Variants in CPXM2 observed in about 807,000 individuals in gnomAD.
The protein encoded by CPXM2 is inactive carboxypeptidase-like protein X2.
Under a neutral mutation model 86.1 loss-of-function variants are expected in CPXM2, and 66 were observed. The ratio of observed to expected loss-of-function variants is 0.77; its 90% CI spans 0.63 to 0.94. CPXM2 has a LOEUF of 0.94. Among genes scored for constraint, CPXM2 ranks in the 40% least tolerant of loss-of-function variants. The pLI, the probability that CPXM2 is intolerant of heterozygous loss-of-function variation, is 0.00. For synonymous variants in CPXM2, 388 were observed against 400.2 expected (o/e 0.97, Z 0.36); for missense variants, 948 against 1,026.3 (o/e 0.92, Z 1.04).
At chr10:123,815,899 G>A (rs922914399) in intron 4 of CPXM2, among the ~76,000 whole-genome samples, 2 of 152,212 alleles carry the variant, frequency 1.3e-5, no homozygotes, top group South Asian at 4.1e-4. Context: ...GGAATGTAGA[G>A]TTGGATCAGA....
intron 4 of CPXM2, among the ~76,000 whole-genome samples, chr10:123,822,465 A>C (rs1847947704): frequency 6.6e-6 from 1 of 152,158 alleles, no homozygotes; most frequent in South Asian, 2.1e-4. Context: ...ACTAACTATA[A>C]AATTAATGAA....
chr10:123,923,491 G>A (rs1945594319), intron 2 of CPXM2, among the ~76,000 whole-genome samples: 1 of 150,982 alleles, frequency 6.6e-6, no homozygotes, highest in Middle Eastern at 3.4e-3. Context: ...TGAGGCAGGA[G>A]AATGGCGTGA....
intron 10 of CPXM2, among the ~76,000 whole-genome samples, chr10:123,763,181 A>G (rs11248276): frequency 0.13 from 19,654 of 152,212 alleles, 1,467 homozygotes; most frequent in African/African-American, 0.21. Context: ...CTGGGACTCC[A>G]GGTGCACACC....
In CPXM2 at chr10:123,807,655, C is replaced by G. The variant is rs78761518; in HGVS notation, c.654-8456G>C. Among the ~76,000 whole-genome samples the G allele has an allele frequency of 3.3e-5, 5 of 152,224 alleles. No homozygotes were observed. The East Asian group carries it at 9.7e-4, about 29-fold the overall frequency. On this transcript the variant is annotated intron_variant, in intron 4 of 13. Coordinates refer to ENST00000241305, the MANE Select transcript of CPXM2 (RefSeq NM_198148.3). The stretch of plus-strand genomic sequence containing the variant: ...GTCGTGGGAGGGCAGAGGAAGTCTG[C>G]GTGGCTTAGATGGAAAAGGAGGAGG...
chr10:123,797,375 T>G (rs956585540), intron 6 of CPXM2, among the ~76,000 whole-genome samples: 1 of 152,162 alleles, frequency 6.6e-6, no homozygotes, highest in Non-Finnish European at 1.5e-5. Flanking sequence ...CACTTCTGAG[T>G]GGTAGGCATC....
intron 12 of CPXM2, among the ~76,000 whole-genome samples, 188 bp downstream of exon 12, chr10:123,757,025 A>G (rs1186624796): frequency 6.6e-6 from 1 of 152,218 alleles, no homozygotes; most frequent in Non-Finnish European, 1.5e-5. Context: ...GACAATGACC[A>G]TTGGTTTAGA....
intron 6 of CPXM2, among the ~76,000 whole-genome samples, chr10:123,795,823 C>T (rs1847325184): frequency 6.6e-6 from 1 of 152,084 alleles, no homozygotes. Flanking sequence ...CCTCCAGGGC[C>T]CATCTTCAAA....
In CPXM2 at chr10:123,797,129, C is replaced by T. The variant is rs115178813; in HGVS notation, c.889+847G>A. Among the ~76,000 whole-genome samples, 661 of 152,334 alleles carry T rather than the reference C, an allele frequency of 4.3e-3. 10 individuals are homozygous for T. The highest frequency in any genetic ancestry group is 0.015 in the African/African-American group (621 of 41,580). ...TCAAACCCCCTTTCTTCAAGCCACC[C>T]CGAGGTTACCCCCAAATATCTCATG... On this transcript the variant is annotated intron_variant, in intron 6 of 13. Coordinates refer to ENST00000241305, the MANE Select transcript of CPXM2 (RefSeq NM_198148.3).
At position 123,914,086 on chromosome 10, in the gene CPXM2, C is replaced by T. The variant is rs184746994; in HGVS notation, n.174+25391G>A. On this transcript the variant is annotated intron_variant and non_coding_transcript_variant, in intron 2 of 19. Transcript: ENST00000368854. ...CTTGACCTCTTTGGCATGGAGCATG[C>T]AATTTGGGAGGAGATCCAGCCTGCC... The T allele has an allele frequency of 1.0e-3, 478 of 475,976 alleles. 6 individuals carry two copies. The highest frequency in any genetic ancestry group is 4.6e-3 in the South Asian group (306 of 65,996). The allele number at this position is 475,976 out of a possible 1,614,324, so 29.5% of individuals were successfully genotyped here. A position where few individuals can be genotyped will look rare whatever the true frequency, so the allele number is the denominator to read the frequency against.
intron 2 of CPXM2, among the ~76,000 whole-genome samples, chr10:123,937,285 G>A (rs79796303): frequency 0.11 from 16,587 of 152,078 alleles, 1,280 homozygotes; most frequent in East Asian, 0.24. Context: ...TTGAAGCTTC[G>A]AGTTCCCTTC....
intron 6 of CPXM2, among the ~76,000 whole-genome samples, chr10:123,785,091 A>C (rs752143990): frequency 6.6e-5 from 10 of 151,940 alleles, no homozygotes; most frequent in Non-Finnish European, 1.0e-4. Context: ...GCTCAGGCCC[A>C]CCCCCACCCT....
At chr10:123,870,306 C>T (rs1044185583) in intron 2 of CPXM2, among the ~76,000 whole-genome samples, 15 of 152,278 alleles carry the variant, frequency 9.9e-5, no homozygotes, top group Non-Finnish European at 1.9e-4. Flanking sequence ...TGGGGTCACA[C>T]CAGGAAAAGA....
chr10:123,773,382 T>G (rs1010269494), intron 7 of CPXM2, among the ~76,000 whole-genome samples: 3 of 152,144 alleles, frequency 2.0e-5, no homozygotes, highest in Admixed American at 1.3e-4. Context: ...TGGTTATCAC[T>G]TCCTTTGTTG....
chr10:123,763,322 A>G (rs565906312), intron 10 of CPXM2, among the ~76,000 whole-genome samples: 12 of 152,082 alleles, frequency 7.9e-5, no homozygotes, highest in Non-Finnish European at 1.6e-4. Context: ...CCCTTCTGTT[A>G]TTTATTTCAA....
At chr10:123,878,002 A>G (rs577245449) in intron 2 of CPXM2, among the ~76,000 whole-genome samples, 8 of 152,236 alleles carry the variant, frequency 5.3e-5, no homozygotes, top group South Asian at 4.2e-4. Context: ...CACCTTGAAC[A>G]TAATGTAGTT....
chr10:123,831,407 T>G (rs1253776177), intron 4 of CPXM2, among the ~76,000 whole-genome samples: 1 of 152,220 alleles, frequency 6.6e-6, no homozygotes, highest in Non-Finnish European at 1.5e-5. Flanking sequence ...CCAGGACCCA[T>G]GACCCAGTAT....
chr10:123,902,591 AT>A, intron 2 of CPXM2, among the ~76,000 whole-genome samples: 1 of 152,118 alleles, frequency 6.6e-6, no homozygotes, highest in Non-Finnish European at 1.5e-5. Context: ...GTGAGGGCCC[AT>A]TTCACAGATG....
At position 123,762,061 on chromosome 10, in the gene CPXM2, C is replaced by A; in HGVS notation, c.1588G>T (p.Val530Leu). The change falls in exon 11 of 14, where the codon GTG becomes TTG. Residue 530 changes from valine (V) to leucine (L), a missense_variant. Transcript: ENST00000241305. Reference protein sequence around the residue: ...ELVVAYPYDLVRSPWKTQEHT... With the variant: ...ELVVAYPYDLLRSPWKTQEHT... The stretch of plus-strand genomic sequence containing the variant: ...TCCTGCGTCTTCCAGGGGGACCGCA[C>A]CAGGTCGTAGGGGTACGCCACCACC... 6.2e-7 allele frequency: 1 copy of A among 1,614,052 alleles called. No individual in the cohort carries two copies. Among genetic ancestry groups the A allele is most frequent in the Non-Finnish European group, 8.5e-7 (1 of 1,180,008 alleles).
intron 4 of CPXM2, among the ~76,000 whole-genome samples, chr10:123,834,600 G>T (rs533535722): frequency 6.6e-6 from 1 of 152,322 alleles, no homozygotes; most frequent in African/African-American, 2.4e-5. Flanking sequence ...ATGCTCCTGG[G>T]CTGGAGTGCC....
Sources: allele counts gnomAD v4.1 joint callset (sites outside exome capture counted in the v4.1 genomes callset), GRCh38; gene constraint gnomAD v4.1.1; transcripts MANE v1.5; gene names NCBI Gene and HGNC (gene_info 2026-07-23, HGNC 2026-07-21).